GLT6D1: variants seen among roughly 807,000 people sequenced by gnomAD.
The protein encoded by GLT6D1 is glycosyltransferase 6 domain containing 1, also known as putative glycosyltransferase 6 domain-containing protein 1.
In GLT6D1, 9 loss-of-function variants were observed where a neutral mutation model predicts 12.3. The observed-to-expected ratio is 0.73, with a 90% CI of 0.44 to 1.27. The LOEUF is 1.27. Among genes scored for constraint, GLT6D1 ranks in the 50% most tolerant of loss-of-function variants. GLT6D1 has a pLI of 0.00. For missense variants in GLT6D1, 335 were observed against 346.2 expected, an observed-to-expected ratio of 0.97 and a Z score of 0.26; for synonymous variants, 128 against 132.3, an observed-to-expected ratio of 0.97 and a Z score of 0.23.
At chr9:135,636,532 T>A (rs1363754388) in intron 2 of GLT6D1, among the ~76,000 whole-genome samples, 2 of 152,248 alleles carry the variant, frequency 1.3e-5, no homozygotes, top group Non-Finnish European at 2.9e-5. Context: ...TAAATTTACA[T>A]ATGTTAATTT....
chr9:135,625,788 G>A (rs1833499742), intron 4 of GLT6D1, among the ~76,000 whole-genome samples: 1 of 152,200 alleles, frequency 6.6e-6, no homozygotes, highest in South Asian at 2.1e-4. Context: ...AGGGACCTGT[G>A]CACTAGGGGA....
At chr9:135,633,712 C>A (rs898251304) in intron 2 of GLT6D1, among the ~76,000 whole-genome samples, 1 of 152,186 alleles carries the variant, frequency 6.6e-6, no homozygotes, top group African/African-American at 2.4e-5. Context: ...TGTTACTGAG[C>A]ATCCTGTATG....
intron 2 of GLT6D1, among the ~76,000 whole-genome samples, chr9:135,632,228 G>A (rs1273284853): frequency 2.6e-5 from 4 of 150,980 alleles, no homozygotes; most frequent in Middle Eastern, 3.4e-3. Flanking sequence ...AACCTCCTGA[G>A]CTCAAGCAAT....
chr9:135,635,892 A>T (rs1035939444), intron 2 of GLT6D1, among the ~76,000 whole-genome samples: 3 of 152,246 alleles, frequency 2.0e-5, no homozygotes, highest in African/African-American at 7.2e-5. Context: ...TCCCTCCAAC[A>T]GCAAGAAACT....
At chr9:135,634,763 G>A (rs1361728072) in intron 2 of GLT6D1, among the ~76,000 whole-genome samples, 5 of 150,176 alleles carry the variant, frequency 3.3e-5, no homozygotes, top group Non-Finnish European at 5.9e-5. Flanking sequence ...TCAGCCTCCT[G>A]TCTGGATCCC....
At chr9:135,633,140 C>G (rs535367317) in intron 2 of GLT6D1, among the ~76,000 whole-genome samples, 30 of 152,322 alleles carry the variant, frequency 2.0e-4, no homozygotes, top group Non-Finnish European at 3.4e-4. Context: ...TCCCCTGCCT[C>G]TCTTGCCATT....
At chr9:135,636,560 C>T (rs1379283499) in intron 2 of GLT6D1, among the ~76,000 whole-genome samples, 2 of 152,132 alleles carry the variant, frequency 1.3e-5, no homozygotes, top group African/African-American at 2.4e-5. Context: ...CGTGCTGTAA[C>T]GTCCTGTGGG....
In GLT6D1 at chr9:135,624,042, G is replaced by A; in HGVS notation, c.*55C>T. On this transcript the variant is annotated 3_prime_UTR_variant, in exon 5 of 5. Coordinates refer to ENST00000371763, the MANE Select transcript of GLT6D1 (RefSeq NM_182974.3). ...GAATCATGTGCGACCTTGACGTATT[G>A]GATCTGTGGAGGAGGAGAAAATGCA... The A allele has an allele frequency of 9.3e-7, 1 of 1,078,454 alleles. No homozygotes were observed. Among genetic ancestry groups the A allele is most frequent in the South Asian group, 1.4e-5 (1 of 70,460 alleles). The allele number at this position is 1,078,454 out of a possible 1,614,324, so 66.8% of individuals were successfully genotyped here. A position where few individuals can be genotyped will look rare whatever the true frequency, so the allele number is the denominator to read the frequency against.
At chr9:135,625,936 T>C (rs1833503768) in intron 4 of GLT6D1, 133 bp downstream of exon 4, 1 of 999,220 alleles carries the variant, frequency 1.0e-6, no homozygotes, top group Non-Finnish European at 1.5e-6. Flanking sequence ...TAAGTTTGTT[T>C]CTCCCCAGAA....
In GLT6D1 at chr9:135,626,331, C is replaced by CCGTGTTTGAGTGCATT. The variant is rs1564273255; in HGVS notation, c.120-126_120-125insAATGCACTCAAACACG. On this transcript the variant is annotated intron_variant, in intron 3 of 4. Transcript: ENST00000371763. ...CGCCCAGCTCCGTGTTTGAGTGCAT[C>CCGTGTTTGAGTGCATT]ATCCCACTGGATTCATCCTTGCAAC... is the stretch of plus-strand genomic sequence containing the variant. 6.6e-4 allele frequency: 621 copies of CCGTGTTTGAGTGCATT among 939,440 alleles called. 2 individuals are homozygous for CCGTGTTTGAGTGCATT. Among genetic ancestry groups the CCGTGTTTGAGTGCATT allele is most frequent in the Admixed American group, 2.1e-3 (94 of 45,092 alleles). The allele number at this position is 939,440 out of a possible 1,614,324, so 58.2% of individuals were successfully genotyped here.
Position 135,639,426 on chromosome 9 carries a change from GTTCACA to G in GLT6D1, c.-146_-141del, listed in dbSNP as rs973374354. 3 of 381,556 alleles carry G rather than the reference GTTCACA, an allele frequency of 7.9e-6. No individual in the cohort carries two copies. Among genetic ancestry groups the G allele is most frequent in the African/African-American group, 6.2e-5 (3 of 48,018 alleles). The allele number at this position is 381,556 out of a possible 1,614,324, so 23.6% of individuals were successfully genotyped here. A position where few individuals can be genotyped will look rare whatever the true frequency, so the allele number is the denominator to read the frequency against. ...CTGCACGTGCACTGTCTCTCCCCGT[GTTCACA>G]TCAAAGTCTGCGTTGATTGCATGAA... On this transcript the variant is annotated 5_prime_UTR_variant, in exon 1 of 5. The change abolishes an upstream ATG in the 5' untranslated region. Transcript: ENST00000371763.
At position 135,639,107 on chromosome 9, in the gene GLT6D1, T is replaced by C; in HGVS notation, c.71+10A>G. 6.9e-7 allele frequency: 1 copy of C among 1,449,860 alleles called. No individual in the cohort carries two copies. 89.8% of individuals were successfully genotyped at this position (1,449,860 alleles called of 1,614,324 possible). A position where few individuals can be genotyped will look rare whatever the true frequency, so the allele number is the denominator to read the frequency against. The stretch of plus-strand genomic sequence containing the variant: ...CTAAAGATCATGATTTATCAATACT[T>C]TATATTTACCTGAAATAACGCTCAA... On this transcript the variant is annotated intron_variant, in intron 2 of 4. Transcript: ENST00000371763.
Position 135,624,381 on chromosome 9 carries a change from C to A in GLT6D1, c.547G>T (p.Gly183Trp), listed in dbSNP as rs183429273. ...ACCAACGGGCCCAGGGTCTCCACCCCGAACTCATTCTGGAAGACCTGGTTG... is the reference window on the plus strand; with the variant it reads ...ACCAACGGGCCCAGGGTCTCCACCCAGAACTCATTCTGGAAGACCTGGTTG... ...AANQVFQNEFGVETLGPLVAQ... is the reference protein window; with the variant it reads ...AANQVFQNEFWVETLGPLVAQ... The change falls in exon 5 of 5, where the codon GGG becomes TGG. Residue 183 changes from glycine to tryptophan, a missense_variant. By Grantham distance (184) the Gly-to-Trp change is radical. Coordinates refer to ENST00000371763, the MANE Select transcript of GLT6D1 (RefSeq NM_182974.3). 6.2e-7 allele frequency: 1 copy of A among 1,614,144 alleles called. No individual in the cohort carries two copies.
intron 3 of GLT6D1, 152 bp from the exon 4 acceptor site, chr9:135,626,358 C>G: frequency 1.3e-6 from 1 of 762,026 alleles, no homozygotes; most frequent in Non-Finnish European, 2.1e-6. Flanking sequence ...CCTTGCAACG[C>G]CCTATGCAAT....
At chr9:135,625,975 C>T in intron 4 of GLT6D1, 94 bp downstream of exon 4, 5 of 1,394,674 alleles carry the variant, frequency 3.6e-6, no homozygotes, top group Middle Eastern at 2.1e-4. Flanking sequence ...ACTAATTATG[C>T]TTAATTATGG....
At chr9:135,632,893 C>T (rs1220257474) in intron 2 of GLT6D1, among the ~76,000 whole-genome samples, 3 of 152,148 alleles carry the variant, frequency 2.0e-5, no homozygotes, top group African/African-American at 7.2e-5. Flanking sequence ...GTCTCCAACT[C>T]CTGATCTCAA....
In GLT6D1 at chr9:135,631,480, T is replaced by C. The variant is rs1833646166; in HGVS notation, c.72-2A>G. 4.4e-6 allele frequency: 7 copies of C among 1,608,686 alleles called. No homozygotes were observed. The highest frequency in any genetic ancestry group is 1.7e-4 in the Middle Eastern group (1 of 6,052). Reference sequence around the variant, plus strand: ...CGAAGTTCTTCTACTTGGTGATTCCTGGATACAAAGAGAAAATCAAGTGAT... The same window carrying C: ...CGAAGTTCTTCTACTTGGTGATTCCCGGATACAAAGAGAAAATCAAGTGAT... On this transcript the variant is annotated splice_acceptor_variant, in intron 2 of 4. Transcript: ENST00000371763. LOFTEE classifies it high-confidence loss of function.
rs371549915 is a variant in GLT6D1, at chr9:135,624,204, A to T, written c.724T>A (p.Phe242Ile). 1.2e-6 allele frequency: 2 copies of T among 1,611,530 alleles called. No individual in the cohort carries two copies. Among genetic ancestry groups the T allele is most frequent in the African/African-American group, 1.3e-5 (1 of 74,752 alleles). ...VGGTPHNILD[F>I]IKEYLNGVIH... The stretch of plus-strand genomic sequence containing the variant: ...ACTCCGTTCAGATATTCTTTGATGA[A>T]GTCTAAAATATTATGGGGTGTGCCA... Residue 242 changes from phenylalanine (F) to isoleucine (I), a missense_variant, in exon 5 of 5, where the codon TTC (phenylalanine) becomes ATC (isoleucine). Coordinates refer to ENST00000371763, the MANE Select transcript of GLT6D1 (RefSeq NM_182974.3).
In GLT6D1 at chr9:135,626,085, C is replaced by A. The variant is rs766469143; in HGVS notation, c.241G>T (p.Val81Phe). 1 of 1,614,046 alleles carries A rather than the reference C, an allele frequency of 6.2e-7. No homozygotes were observed. The highest frequency in any genetic ancestry group is 1.7e-5 in the Admixed American group (1 of 59,998). ...GGCACCTACCTGCCAGTAGCAAAGA[C>A]GGCCAGGCCCACAGTGATATTCCGC... ...RRRNITVGLA[V>F]FATGRFAEEY... is the part of the protein sequence containing the mutation. Residue 81 changes from valine (V) to phenylalanine (F), a missense_variant, in exon 4 of 5, where the codon GTC becomes TTC. Val to Phe is a conservative substitution (Grantham distance 50). Coordinates refer to ENST00000371763, the MANE Select transcript of GLT6D1 (RefSeq NM_182974.3).
Sources: gnomAD v4.1 joint callset for allele counts (sites outside exome capture counted in the v4.1 genomes callset) on GRCh38, gnomAD v4.1.1 for gene constraint, MANE v1.5 for transcripts, NCBI Gene and HGNC (gene_info 2026-07-23, HGNC 2026-07-21) for gene names.